SOBP: variants seen among roughly 807,000 people sequenced by gnomAD.
SOBP encodes the protein sine oculis binding protein homolog, also known as sine oculis-binding protein homolog.
SOBP carries 4 observed loss-of-function variants against 53.6 expected under a neutral mutation model. That is an observed-to-expected ratio of 0.07 (90% CI 0.04 to 0.17). SOBP has a LOEUF of 0.17. Among genes scored for constraint, SOBP ranks in the 10% least tolerant of loss-of-function variants. SOBP has a pLI of 1.00. For synonymous variants in SOBP, 584 were observed against 522.6 expected, an observed-to-expected ratio of 1.12 and a Z score of -1.60; for missense variants, 1,088 against 1,204.7, an observed-to-expected ratio of 0.90 and a Z score of 1.43.
intron 5 of SOBP, among the ~76,000 whole-genome samples, chr6:107,624,026 C>G (rs2115124327): frequency 6.6e-6 from 1 of 152,236 alleles, no homozygotes; most frequent in South Asian, 2.1e-4. Context: ...GTGAAAGGCT[C>G]AAGCTTGGAA....
chr6:107,607,899 C>A (rs557345923), intron 5 of SOBP, among the ~76,000 whole-genome samples: 31 of 152,234 alleles, frequency 2.0e-4, no homozygotes, highest in African/African-American at 6.3e-4. Context: ...CTTTACGGGG[C>A]CAGCTCTAGA....
chr6:107,537,560 C>T (rs1226247609), intron 4 of SOBP, among the ~76,000 whole-genome samples: 1 of 152,202 alleles, frequency 6.6e-6, no homozygotes, highest in Non-Finnish European at 1.5e-5. Context: ...ATGGCTCATG[C>T]CTGTAATCCC....
At chr6:107,644,927 C>T (rs1335577486) in intron 6 of SOBP, among the ~76,000 whole-genome samples, 1 of 152,186 alleles carries the variant, frequency 6.6e-6, no homozygotes, top group Non-Finnish European at 1.5e-5. Context: ...AATAAGATGG[C>T]ATCATAAACA....
intron 6 of SOBP, among the ~76,000 whole-genome samples, chr6:107,647,525 C>T (rs1361465906): frequency 6.6e-6 from 1 of 152,256 alleles, no homozygotes; most frequent in Non-Finnish European, 1.5e-5. Context: ...ATAGCCCCTA[C>T]AGCCCAGAAC....
intron 1 of SOBP, among the ~76,000 whole-genome samples, chr6:107,498,662 A>C (rs1170783163): frequency 6.6e-6 from 1 of 152,238 alleles, no homozygotes; most frequent in Non-Finnish European, 1.5e-5. Context: ...TGTTTGATGA[A>C]TATCCTGGCA....
chr6:107,656,956 A>G (rs1345898489), intron 6 of SOBP, among the ~76,000 whole-genome samples: 3 of 152,160 alleles, frequency 2.0e-5, no homozygotes, highest in African/African-American at 7.2e-5. Context: ...ACCCATTCAC[A>G]TTTCTGACAG....
chr6:107,648,707 G>A (rs1264322449), intron 6 of SOBP, among the ~76,000 whole-genome samples: 2 of 152,100 alleles, frequency 1.3e-5, no homozygotes, highest in East Asian at 3.9e-4. Context: ...CCCAGCGGGA[G>A]GGGGAAACTT....
In SOBP at chr6:107,624,134, G is replaced by T. The variant is rs77792126; in HGVS notation, c.670-9380G>T. ...AATAAAAAAATAAAATATAAAAAGC[G>T]AAGGCCTAACAGTGGGACTTGACTG... On this transcript the variant is annotated intron_variant, in intron 5 of 6. Transcript: ENST00000317357. Among the ~76,000 whole-genome samples, 4 of 152,288 alleles carry T rather than the reference G, an allele frequency of 2.6e-5. No individual in the cohort carries two copies. The East Asian group carries it at 5.8e-4, about 22-fold the overall frequency.
intron 4 of SOBP, among the ~76,000 whole-genome samples, chr6:107,574,237 A>G (rs527438863): frequency 6.6e-5 from 10 of 152,350 alleles, no homozygotes; most frequent in South Asian, 2.1e-4. Flanking sequence ...ACTTGACTGC[A>G]TGTAAACATT....
chr6:107,560,684 A>C (rs1232869955), intron 4 of SOBP, among the ~76,000 whole-genome samples: 1 of 152,162 alleles, frequency 6.6e-6, no homozygotes, highest in Non-Finnish European at 1.5e-5. Flanking sequence ...CCCATTTTAC[A>C]GGGGAGGCAA....
At chr6:107,570,248 G>A (rs947445961) in intron 4 of SOBP, among the ~76,000 whole-genome samples, 6 of 152,168 alleles carry the variant, frequency 3.9e-5, no homozygotes, top group African/African-American at 1.4e-4. Flanking sequence ...TCTTCCGGTG[G>A]AACATCTTTC....
At chr6:107,625,067 A>G (rs747301498) in intron 5 of SOBP, among the ~76,000 whole-genome samples, 12 of 152,230 alleles carry the variant, frequency 7.9e-5, no homozygotes. Context: ...TCTAACCCCC[A>G]GTTACCTATA....
At chr6:107,649,189 A>G (rs1771692424) in intron 6 of SOBP, among the ~76,000 whole-genome samples, 1 of 137,384 alleles carries the variant, frequency 7.3e-6, no homozygotes, top group Admixed American at 7.6e-5. Context: ...AAAAAAAAAA[A>G]ACCATCAGGA....
chr6:107,603,852 G>A (rs186408186), intron 5 of SOBP, among the ~76,000 whole-genome samples: 3 of 152,300 alleles, frequency 2.0e-5, no homozygotes, highest in Admixed American at 6.5e-5. Flanking sequence ...TTCAGAAAAC[G>A]AAGGGGAAGG....
chr6:107,527,055 T>C (rs192135188), intron 3 of SOBP, among the ~76,000 whole-genome samples: 1 of 152,320 alleles, frequency 6.6e-6, no homozygotes, highest in Non-Finnish European at 1.5e-5. Flanking sequence ...CTAAGTTCAA[T>C]AAAATTTTAT....
intron 5 of SOBP, among the ~76,000 whole-genome samples, chr6:107,614,622 C>G (rs1055854630): frequency 6.6e-6 from 1 of 152,140 alleles, no homozygotes; most frequent in African/African-American, 2.4e-5. Context: ...AGTGAGTTCC[C>G]CGTTGGCAGA....
At chr6:107,580,399 C>G (rs748400198) in intron 4 of SOBP, among the ~76,000 whole-genome samples, 1 of 152,192 alleles carries the variant, frequency 6.6e-6, no homozygotes, top group Non-Finnish European at 1.5e-5. Context: ...CAGAACATTC[C>G]AGGCCTTGGC....
chr6:107,504,456 A>G (rs185322387), intron 2 of SOBP, among the ~76,000 whole-genome samples: 10 of 152,220 alleles, frequency 6.6e-5, no homozygotes, highest in African/African-American at 2.4e-4. Context: ...AGTGGGTAAC[A>G]GTGCCAGATA....
At chr6:107,643,790 G>T (rs1771432889) in intron 6 of SOBP, among the ~76,000 whole-genome samples, 1 of 152,164 alleles carries the variant, frequency 6.6e-6, no homozygotes, top group African/African-American at 2.4e-5. Flanking sequence ...AGTAGTATCT[G>T]AGCATCATTA....
Sources: allele counts gnomAD v4.1 joint callset (sites outside exome capture counted in the v4.1 genomes callset), GRCh38; gene constraint gnomAD v4.1.1; transcripts MANE v1.5; gene names NCBI Gene and HGNC (gene_info 2026-07-23, HGNC 2026-07-21).